FHOD3: variants seen among roughly 807,000 people sequenced by gnomAD.
The protein encoded by FHOD3 is FH1/FH2 domain-containing protein 3.
A neutral mutation model predicts 173.0 loss-of-function variants in FHOD3; 90 were observed. That is an observed-to-expected ratio of 0.52 (90% confidence interval 0.44 to 0.62). FHOD3 has a LOEUF of 0.62. FHOD3 is among the 20% of genes least tolerant of loss of function. The probability of loss-of-function intolerance (pLI) is 0.00; values close to 1 mark genes in which losing one functional copy is unlikely to be tolerated. For synonymous variants in FHOD3, 828 were observed against 823.0 expected (o/e 1.01, Z -0.10); for missense variants, 1,945 against 2,034.7 (o/e 0.96, Z 0.85).
intron 10 of FHOD3, among the ~76,000 whole-genome samples, chr18:36,644,626 G>C (rs1023778153): frequency 6.6e-6 from 1 of 152,224 alleles, no homozygotes; most frequent in East Asian, 1.9e-4. Flanking sequence ...AGGATGTTGA[G>C]CCCAAAGAGA....
chr18:36,494,721 G>A (rs2054649154), intron 3 of FHOD3, among the ~76,000 whole-genome samples: 1 of 152,208 alleles, frequency 6.6e-6, no homozygotes, highest in African/African-American at 2.4e-5. Flanking sequence ...CCTTGGGGCT[G>A]TGCTGGGGGG....
intron 2 of FHOD3, among the ~76,000 whole-genome samples, chr18:36,356,099 A>T (rs2046346154): frequency 6.6e-6 from 1 of 152,214 alleles, no homozygotes. Flanking sequence ...CTTGTCTCTA[A>T]AAGTGAATAA....
chr18:36,617,266 ATGAG>A (rs2090974950), intron 9 of FHOD3, among the ~76,000 whole-genome samples: 1 of 152,236 alleles, frequency 6.6e-6, no homozygotes, highest in Non-Finnish European at 1.5e-5. Context: ...TTCTTGTAAG[ATGAG>A]TGAAAGGATC....
chr18:36,528,076 G>C (rs1034145976), intron 5 of FHOD3, among the ~76,000 whole-genome samples: 2 of 152,140 alleles, frequency 1.3e-5, no homozygotes, highest in African/African-American at 4.8e-5. Flanking sequence ...TGGATCCTCT[G>C]TTTCCTGCAC....
chr18:36,373,356 T>C (rs1204041001), intron 3 of FHOD3, among the ~76,000 whole-genome samples: 1 of 152,206 alleles, frequency 6.6e-6, no homozygotes, highest in South Asian at 2.1e-4. Context: ...ATCTGAGTAA[T>C]TTTGCTTTTG....
At chr18:36,702,130 C>A (rs1462034544) in intron 17 of FHOD3, among the ~76,000 whole-genome samples, 1 of 152,224 alleles carries the variant, frequency 6.6e-6, no homozygotes, top group Non-Finnish European at 1.5e-5. Context: ...CAGTGATTCT[C>A]AACCAGGGGT....
chr18:36,740,534 T>C lies in FHOD3; in HGVS notation c.3577-122T>C, dbSNP rs1600501445. ...CAAGTATATTTGGTTTATGACAATA[T>C]AACACCTGTACATACCTCTACTACC... On this transcript the variant is annotated intron_variant, in intron 20 of 28. Coordinates refer to ENST00000590592, the MANE Select transcript of FHOD3 (RefSeq NM_001281740.3). The C allele has an allele frequency of 9.9e-6, 10 of 1,008,438 alleles. No individual in the cohort carries two copies. In the East Asian group the frequency reaches 2.6e-4, roughly 26 times the overall value. 62.5% of individuals were successfully genotyped at this position (1,008,438 alleles called of 1,614,324 possible).
intron 1 of FHOD3, among the ~76,000 whole-genome samples, chr18:36,355,260 A>G (rs1340646191): frequency 1.3e-5 from 2 of 152,096 alleles, no homozygotes; most frequent in Non-Finnish European, 2.9e-5. Flanking sequence ...CTGAGAGTGG[A>G]AAAAAGCGCT....
chr18:36,333,607 T>G (rs1255509064), intron 1 of FHOD3, among the ~76,000 whole-genome samples: 1 of 152,218 alleles, frequency 6.6e-6, no homozygotes, highest in Non-Finnish European at 1.5e-5. Context: ...CAGTGGGGTG[T>G]GGGTGGAGCA....
At chr18:36,535,098 T>C (rs1435293338) in intron 5 of FHOD3, among the ~76,000 whole-genome samples, 2 of 152,224 alleles carry the variant, frequency 1.3e-5, no homozygotes, top group African/African-American at 4.8e-5. Flanking sequence ...AAAATATTGC[T>C]GTTATCAACA....
intron 1 of FHOD3, among the ~76,000 whole-genome samples, chr18:36,344,419 A>G (rs1033038672): frequency 1.3e-5 from 2 of 152,202 alleles, no homozygotes; most frequent in Non-Finnish European, 2.9e-5. Context: ...TCAAAAAAAA[A>G]AGGTATAAAT....
At chr18:36,625,147 C>T (rs930948620) in intron 9 of FHOD3, among the ~76,000 whole-genome samples, 2 of 152,102 alleles carry the variant, frequency 1.3e-5, no homozygotes, top group Non-Finnish European at 2.9e-5. Flanking sequence ...GCTCATGGAG[C>T]AGAAAAGAGA....
intron 19 of FHOD3, among the ~76,000 whole-genome samples, chr18:36,729,479 G>T (rs1382826972): frequency 2.0e-5 from 3 of 152,200 alleles, no homozygotes; most frequent in Admixed American, 2.0e-4. Context: ...ACACACAGGT[G>T]ACCTAAACAG....
At chr18:36,775,536 C>T (rs368902475) in intron 28 of FHOD3, among the ~76,000 whole-genome samples, 1 of 152,162 alleles carries the variant, frequency 6.6e-6, no homozygotes, top group Non-Finnish European at 1.5e-5. Context: ...CAAGAGTTCC[C>T]ATCTCACAGT....
At chr18:36,411,360 A>G (rs1252245415) in intron 3 of FHOD3, among the ~76,000 whole-genome samples, 2 of 152,222 alleles carry the variant, frequency 1.3e-5, no homozygotes, top group Admixed American at 6.5e-5. Flanking sequence ...GAAAATTATC[A>G]AAATAATGTA....
chr18:36,440,648 G>A (rs2051090020), intron 3 of FHOD3, among the ~76,000 whole-genome samples: 1 of 152,228 alleles, frequency 6.6e-6, no homozygotes. Context: ...CAGGAGTGGT[G>A]GAGGCCAAGC....
At chr18:36,681,404 G>A in intron 14 of FHOD3, 32 bp from the exon 15 acceptor site, 2 of 1,612,092 alleles carry the variant, frequency 1.2e-6, no homozygotes, top group South Asian at 1.1e-5. Context: ...CACAGGCCAA[G>A]CAACTGAAAC....
At chr18:36,548,757 G>A (rs1297960070) in intron 5 of FHOD3, among the ~76,000 whole-genome samples, 1 of 152,172 alleles carries the variant, frequency 6.6e-6, no homozygotes, top group Non-Finnish European at 1.5e-5. Context: ...GGTCTTCATA[G>A]TTCATTCCTT....
At chr18:36,745,902 T>G (rs2042136760) in intron 23 of FHOD3, among the ~76,000 whole-genome samples, 1 of 151,904 alleles carries the variant, frequency 6.6e-6, no homozygotes, top group Admixed American at 6.6e-5. Flanking sequence ...CTCTGACTTT[T>G]GCTTGCTGGA....
Sources: allele counts gnomAD v4.1 joint callset (sites outside exome capture counted in the v4.1 genomes callset), GRCh38; gene constraint gnomAD v4.1.1; transcripts MANE v1.5; gene names NCBI Gene and HGNC (gene_info 2026-07-23, HGNC 2026-07-21).